The following MPDZ variants were observed in gnomAD, a reference collection of about 807,000 sequenced individuals.
MPDZ encodes multiple PDZ domain protein.
Under a neutral mutation model 239.1 loss-of-function variants are expected in MPDZ, and 234 were observed. That is an observed-to-expected ratio of 0.98 (90% CI 0.88 to 1.09). MPDZ has a LOEUF of 1.09. MPDZ is among the 50% of genes least tolerant of loss of function. The probability of loss-of-function intolerance (pLI) is 0.00; values close to 1 mark genes in which losing one functional copy is unlikely to be tolerated. For missense variants in MPDZ, 3,175 were observed against 2,510.0 expected (o/e 1.26, Z -5.66); for synonymous variants, 1,048 against 881.3 (o/e 1.19, Z -3.35).
At chr9:13,123,044 T>C (rs942194311) in intron 36 of MPDZ, 109 bp downstream of exon 36, 1 of 1,157,012 alleles carries the variant, frequency 8.6e-7, no homozygotes, top group South Asian at 2.6e-5. Context: ...TACAGGTTTT[T>C]TCGGCCTTCA....
At chr9:13,176,935 T>C (rs895557857) in intron 19 of MPDZ, among the ~76,000 whole-genome samples, 1 of 152,102 alleles carries the variant, frequency 6.6e-6, no homozygotes, top group African/African-American at 2.4e-5. Flanking sequence ...GAATAGAAAG[T>C]TTTACAATTC....
At chr9:13,255,222 A>G (rs1014117117) in intron 1 of MPDZ, among the ~76,000 whole-genome samples, 1 of 152,294 alleles carries the variant, frequency 6.6e-6, no homozygotes, top group East Asian at 1.9e-4. Context: ...CAATTCAGTC[A>G]CATCTTCAGA....
At chr9:13,107,144 C>T (rs367586955) in intron 46 of MPDZ, 33 bp from the exon 47 acceptor site, 49 of 1,525,994 alleles carry the variant, frequency 3.2e-5, no homozygotes, top group Non-Finnish European at 4.0e-5. Flanking sequence ...GTTTATTTCT[C>T]AAAAAATGCT....
intron 13 of MPDZ, among the ~76,000 whole-genome samples, chr9:13,194,052 C>T (rs1464392343): frequency 6.6e-6 from 1 of 151,958 alleles, no homozygotes; most frequent in Non-Finnish European, 1.5e-5. Flanking sequence ...CCCTGAAAAC[C>T]CAATTTAGGC....
At chr9:13,121,328 TCCTTTGCTACC>T (rs1308515514) in intron 38 of MPDZ, among the ~76,000 whole-genome samples, 1 of 152,320 alleles carries the variant, frequency 6.6e-6, no homozygotes, top group African/African-American at 2.4e-5. Flanking sequence ...GGTCCCTTTC[TCCTTTGCTACC>T]ATGGGTCCCC....
intron 39 of MPDZ, among the ~76,000 whole-genome samples, chr9:13,118,469 C>T (rs770135381): frequency 2.0e-5 from 3 of 152,188 alleles, no homozygotes; most frequent in Non-Finnish European, 4.4e-5. Context: ...CACTCAGAGG[C>T]TCCCCTTAGC....
chr9:13,259,045 T>C (rs1191129138), intron 1 of MPDZ, among the ~76,000 whole-genome samples: 1 of 151,492 alleles, frequency 6.6e-6, no homozygotes, highest in Non-Finnish European at 1.5e-5. Flanking sequence ...AATCCAATTT[T>C]ATCTGAAATT....
intron 17 of MPDZ, among the ~76,000 whole-genome samples, chr9:13,187,852 T>G (rs1247891157): frequency 6.6e-6 from 1 of 152,164 alleles, no homozygotes; most frequent in Non-Finnish European, 1.5e-5. Flanking sequence ...AAGTGCCATG[T>G]TGCAATCACT....
At chr9:13,192,942 T>C (rs987840294) in intron 14 of MPDZ, among the ~76,000 whole-genome samples, 3 of 152,178 alleles carry the variant, frequency 2.0e-5, no homozygotes, top group African/African-American at 7.2e-5. Context: ...TTTTTATAGT[T>C]TTCTGAACCT....
intron 21 of MPDZ, among the ~76,000 whole-genome samples, chr9:13,169,688 C>T (rs1263131657): frequency 1.3e-5 from 2 of 152,172 alleles, no homozygotes; most frequent in Admixed American, 1.3e-4. Context: ...CTATCAGTCC[C>T]TTGGCTGCAA....
chr9:13,223,968 G>C (rs1959682336), intron 4 of MPDZ, among the ~76,000 whole-genome samples: 1 of 151,774 alleles, frequency 6.6e-6, no homozygotes, highest in African/African-American at 2.4e-5. Context: ...CAGGAATTTG[G>C]GACTGTAGTG....
intron 21 of MPDZ, among the ~76,000 whole-genome samples, chr9:13,169,706 A>G (rs1231562244): frequency 7.9e-5 from 12 of 152,142 alleles, no homozygotes; most frequent in African/African-American, 2.2e-4. Flanking sequence ...CAACTCTTCA[A>G]TAGTTTCCTG....
chr9:13,161,648 A>C (rs1402014459), intron 23 of MPDZ, among the ~76,000 whole-genome samples: 1 of 152,104 alleles, frequency 6.6e-6, no homozygotes, highest in Admixed American at 6.6e-5. Flanking sequence ...GCTCTACCAC[A>C]TGCTTACAAG....
chr9:13,112,183 A>T, intron 42 of MPDZ, 37 bp from the exon 43 acceptor site: 1 of 1,566,968 alleles, frequency 6.4e-7, no homozygotes, highest in African/African-American at 1.4e-5. Flanking sequence ...GGTCAAAGTG[A>T]TATTTTTCAT....
At chr9:13,136,320 GTTTTCTTTTTTTTT>G (rs1486154467) in intron 30 of MPDZ, 138 bp from the exon 31 acceptor site, 3 of 194,648 alleles carry the variant, frequency 1.5e-5, no homozygotes, top group African/African-American at 6.6e-5. Context: ...ATTTACAAAC[GTTTTCTTTTTTTTT>G]TTTTTTTTTT....
intron 39 of MPDZ, among the ~76,000 whole-genome samples, chr9:13,117,101 G>C (rs573441109): frequency 1.3e-5 from 2 of 151,890 alleles, no homozygotes; most frequent in African/African-American, 4.8e-5. Context: ...AGACATAAGA[G>C]GATAATAAAA....
At chr9:13,160,860 ATATATATAT>A (rs1563931099) in intron 23 of MPDZ, among the ~76,000 whole-genome samples, 27 of 123,916 alleles carry the variant, frequency 2.2e-4, no homozygotes, top group African/African-American at 8.0e-4. Context: ...ATATATATAT[ATATATATAT>A]AAAACAGGTA....
chr9:13,149,137 A>G (rs1948818839), intron 25 of MPDZ, among the ~76,000 whole-genome samples: 1 of 151,996 alleles, frequency 6.6e-6, no homozygotes, highest in South Asian at 2.1e-4. Flanking sequence ...GTATCATCTA[A>G]TGAAAGAATG....
At chr9:13,145,731 T>C (rs995285142) in intron 26 of MPDZ, among the ~76,000 whole-genome samples, 1 of 152,018 alleles carries the variant, frequency 6.6e-6, no homozygotes, top group Non-Finnish European at 1.5e-5. Context: ...AAATCAGGTA[T>C]CATTATACCT....
Sources: allele counts gnomAD v4.1 joint callset (sites outside exome capture counted in the v4.1 genomes callset), GRCh38; gene constraint gnomAD v4.1.1; transcripts MANE v1.5; gene names NCBI Gene and HGNC (gene_info 2026-07-23, HGNC 2026-07-21).